The following G3BP1 variants were observed in gnomAD, a reference collection of about 807,000 sequenced individuals.
The protein encoded by G3BP1 is ras GTPase-activating protein-binding protein 1.
G3BP1 carries 35 observed loss-of-function variants against 58.6 expected under a neutral mutation model. The observed-to-expected ratio is 0.60, with a 90% confidence interval of 0.46 to 0.79. The LOEUF (loss-of-function observed/expected upper bound fraction) is 0.79. G3BP1 is among the 30% of genes least tolerant of loss of function. The pLI, the probability that G3BP1 is intolerant of heterozygous loss-of-function variation, is 0.00. For synonymous variants in G3BP1, 191 were observed against 195.4 expected (o/e 0.98, Z 0.19); for missense variants, 523 against 580.8 (o/e 0.90, Z 1.02).
intron 4 of G3BP1, among the ~76,000 whole-genome samples, chr5:151,793,831 CAAAA>C (rs751382380): frequency 2.0e-5 from 2 of 97,800 alleles, no homozygotes; most frequent in Non-Finnish European, 2.0e-5. Flanking sequence ...CGTCTCTACT[CAAAA>C]AAAAAAAAAA....
intron 8 of G3BP1, among the ~76,000 whole-genome samples, chr5:151,799,579 G>A (rs540697935): frequency 1.3e-5 from 2 of 152,192 alleles, no homozygotes; most frequent in South Asian, 4.2e-4. Context: ...TAGCTACTTA[G>A]GAAGCTGAGG....
intron 3 of G3BP1, 40 bp downstream of exon 3, chr5:151,790,444 G>A: frequency 9.4e-7 from 1 of 1,068,614 alleles, no homozygotes; most frequent in Non-Finnish European, 1.4e-6. Flanking sequence ...TAAGCAGGTA[G>A]AAAATAACTC....
At chr5:151,781,630 G>A (rs1390956048) in intron 1 of G3BP1, among the ~76,000 whole-genome samples, 1 of 152,184 alleles carries the variant, frequency 6.6e-6, no homozygotes. Context: ...TAAATTGCTT[G>A]ATCTGTACCA....
At chr5:151,772,863 A>G (rs1581567813) in intron 1 of G3BP1, among the ~76,000 whole-genome samples, 1 of 152,248 alleles carries the variant, frequency 6.6e-6, no homozygotes, top group Non-Finnish European at 1.5e-5. Context: ...TCAAAAGGCC[A>G]CCTGCCGAGA....
In G3BP1 at chr5:151,811,363, C is replaced by A. The variant is rs1763016634; in HGVS notation, c.*7272C>A. ...TACTTCTTGAATGAACAAATGAATTCTCATTTCTCGACATAAAGCCTTGTC... is the reference window on the plus strand; with the variant it reads ...TACTTCTTGAATGAACAAATGAATTATCATTTCTCGACATAAAGCCTTGTC... On this transcript the variant is annotated 3_prime_UTR_variant, in exon 12 of 12. Transcript: ENST00000356245. 1.3e-5 allele frequency: 2 copies of A among 152,190 alleles called. No homozygotes were observed. The highest frequency in any genetic ancestry group is 2.1e-4 in the South Asian group (1 of 4,832). The allele number at this position is 152,190 out of a possible 1,614,324, so 9.4% of individuals were successfully genotyped here.
rs1357348408 is a variant in G3BP1 at position 151,797,487 on chromosome 5, C to A, written c.741+59C>A. ...TAGTTATTTTTTTTAAAAAAAGTTT[C>A]TGTTCTTTTGTATTGCTGTTTGGTT... is the stretch of plus-strand genomic sequence containing the variant. On this transcript the variant is annotated intron_variant, in intron 7 of 11. Transcript: ENST00000356245. The A allele has an allele frequency of 2.0e-6, 3 of 1,524,440 alleles. No homozygotes were observed. In the African/African-American group the frequency reaches 4.2e-5, roughly 22 times the overall value. The allele number at this position is 1,524,440 out of a possible 1,614,324, so 94.4% of individuals were successfully genotyped here. A position where few individuals can be genotyped will look rare whatever the true frequency, so the allele number is the denominator to read the frequency against.
At chr5:151,796,887 G>GC (rs201183126) in intron 6 of G3BP1, among the ~76,000 whole-genome samples, 1,146 of 69,614 alleles carry the variant, frequency 0.016, 15 homozygotes, top group African/African-American at 0.049. Flanking sequence ...TTTCTTTCCC[G>GC]CCCCCCCCGC....
rs1428444286 is a variant in G3BP1 at position 151,810,933 on chromosome 5, CCAGA to C, written c.*6846_*6849del. On this transcript the variant is annotated 3_prime_UTR_variant, in exon 12 of 12. Transcript: ENST00000356245. ...TCTTCCTGATTGTGCCTAGTATATC[CCAGA>C]CAGTTTGTTTCTATGCAGAAGAATT... is the stretch of plus-strand genomic sequence containing the variant. 6.6e-6 allele frequency: 1 copy of C among 152,136 alleles called. No homozygotes were observed. Among genetic ancestry groups the C allele is most frequent in the African/African-American group, 2.4e-5 (1 of 41,436 alleles). 9.4% of individuals were successfully genotyped at this position (152,136 alleles called of 1,614,324 possible).
At chr5:151,772,209 G>C (rs1456368376) in intron 1 of G3BP1, 173 bp downstream of exon 1, 1 of 149,326 alleles carries the variant, frequency 6.7e-6, no homozygotes, top group African/African-American at 2.4e-5. Context: ...GGCGCGCGGC[G>C]GCTCCTCGCT....
intron 1 of G3BP1, among the ~76,000 whole-genome samples, chr5:151,782,234 G>A (rs932628129): frequency 1.3e-5 from 2 of 152,182 alleles, no homozygotes; most frequent in African/African-American, 2.4e-5. Context: ...GAGAGATTAA[G>A]TTACTAGCTC....
Position 151,812,343 on chromosome 5 carries a change from T to G in G3BP1, c.*8252T>G, listed in dbSNP as rs1446313034. ...GCTATTGGAAGTTCGTATCTAACTT[T>G]TACCCCTTGTGTGTCATGATACATT... On this transcript the variant is annotated 3_prime_UTR_variant, in exon 12 of 12. Transcript: ENST00000356245. 6.6e-6 allele frequency: 1 copy of G among 152,216 alleles called. No homozygotes were observed. Among genetic ancestry groups the G allele is most frequent in the Non-Finnish European group, 1.5e-5 (1 of 68,028 alleles). The allele number at this position is 152,216 out of a possible 1,614,324, so 9.4% of individuals were successfully genotyped here.
intron 11 of G3BP1, among the ~76,000 whole-genome samples, chr5:151,802,639 T>C (rs1484998323): frequency 6.6e-6 from 1 of 152,084 alleles, no homozygotes; most frequent in Non-Finnish European, 1.5e-5. Flanking sequence ...AGTGAGCTAA[T>C]AAATTTGAAT....
At chr5:151,791,665 CT>C (rs1230539026) in intron 4 of G3BP1, 10 of 156,256 alleles carry the variant, frequency 6.4e-5, no homozygotes, top group Admixed American at 2.5e-4. Context: ...CTCTCTCTCT[CT>C]TTTTTTTTGA....
chr5:151,807,353 A>G lies in G3BP1; in HGVS notation c.*3262A>G, dbSNP rs1190895398. The G allele has an allele frequency of 6.6e-6, 1 of 152,234 alleles. No homozygotes were observed. The highest frequency in any genetic ancestry group is 1.5e-5 in the Non-Finnish European group (1 of 68,048). The allele number at this position is 152,234 out of a possible 1,614,324, so 9.4% of individuals were successfully genotyped here. On this transcript the variant is annotated 3_prime_UTR_variant, in exon 12 of 12. Coordinates refer to ENST00000356245, the MANE Select transcript of G3BP1 (RefSeq NM_005754.3). ...AAACTGATGCTTTTTCTCTAGAACC[A>G]TAATGCCCCCCTAATTACATTTCAG...
intron 9 of G3BP1, 70 bp from the exon 10 acceptor site, chr5:151,800,148 G>A: frequency 6.9e-7 from 1 of 1,458,466 alleles, no homozygotes; most frequent in South Asian, 1.2e-5. Flanking sequence ...GAAAACTATT[G>A]AATGTGAGCA....
rs1762979318 is a variant in G3BP1, at chr5:151,809,227, C to T, written c.*5136C>T. 6.6e-6 allele frequency: 1 copy of T among 152,152 alleles called. No homozygotes were observed. The highest frequency in any genetic ancestry group is 6.5e-5 in the Admixed American group (1 of 15,270). The allele number at this position is 152,152 out of a possible 1,614,324, so 9.4% of individuals were successfully genotyped here. On this transcript the variant is annotated 3_prime_UTR_variant, in exon 12 of 12. Transcript: ENST00000356245. ...AAAAACCACTTCGGTTACTCACTGT[C>T]CTCATGCTTTGATGTCAGTTGTTCT...
intron 2 of G3BP1, among the ~76,000 whole-genome samples, chr5:151,788,698 C>G (rs1762596627): frequency 1.3e-5 from 2 of 151,370 alleles, no homozygotes; most frequent in Admixed American, 1.3e-4. Flanking sequence ...ACTGCAGCCT[C>G]TGCCTCCCAG....
Position 151,812,027 on chromosome 5 carries a change from T to A in G3BP1, c.*7936T>A, listed in dbSNP as rs1763025171. 1 of 152,222 alleles carries A rather than the reference T, an allele frequency of 6.6e-6. No homozygotes were observed. The allele number at this position is 152,222 out of a possible 1,614,324, so 9.4% of individuals were successfully genotyped here. A position where few individuals can be genotyped will look rare whatever the true frequency, so the allele number is the denominator to read the frequency against. On this transcript the variant is annotated 3_prime_UTR_variant, in exon 12 of 12. Transcript: ENST00000356245. Reference sequence around the variant, plus strand: ...CTGTCAGAGTTGCCGCTATGTGAGCTTGTGACTTCTGGTCTGGCGTGAAAG... The same window carrying A: ...CTGTCAGAGTTGCCGCTATGTGAGCATGTGACTTCTGGTCTGGCGTGAAAG...
chr5:151,777,206 G>C (rs148810826), intron 1 of G3BP1, among the ~76,000 whole-genome samples: 1 of 152,130 alleles, frequency 6.6e-6, no homozygotes, highest in Non-Finnish European at 1.5e-5. Context: ...TCTGGGAAAA[G>C]ATTTTGTTTC....
Sources: gnomAD v4.1 joint callset for allele counts (sites outside exome capture counted in the v4.1 genomes callset) on GRCh38, gnomAD v4.1.1 for gene constraint, MANE v1.5 for transcripts, NCBI Gene and HGNC (gene_info 2026-07-23, HGNC 2026-07-21) for gene names.